FANCE: variants seen among roughly 807,000 people sequenced by gnomAD.
FANCE encodes FA complementation group E, also known as Fanconi anemia group E protein.
In FANCE, 42 loss-of-function variants were observed where a neutral mutation model predicts 57.8. The ratio of observed to expected loss-of-function variants is 0.73; its 90% confidence interval spans 0.57 to 0.94. The LOEUF (loss-of-function observed/expected upper bound fraction) is 0.94, where lower values mean the gene tolerates loss of function less well. Among genes scored for constraint, FANCE ranks in the 40% least tolerant of loss-of-function variants. The pLI is 0.00. For synonymous variants in FANCE, 251 were observed against 286.4 expected (o/e 0.88, Z 1.25); for missense variants, 608 against 661.8 (o/e 0.92, Z 0.89).
Position 35,455,736 on chromosome 6 carries a change from C to G in FANCE, c.249-11C>G, listed in dbSNP as rs1339273469. ...AAACACTTAACTGCTTGCTCTCCCT[C>G]TGCTACCCAGGAAACCACTGTTGCT... On this transcript the variant is annotated splice_polypyrimidine_tract_variant and intron_variant, in intron 1 of 9. Transcript: ENST00000229769. 25 of 1,613,674 alleles carry G rather than the reference C, an allele frequency of 1.5e-5. No individual in the cohort carries two copies. The highest frequency in any genetic ancestry group is 2.0e-5 in the Non-Finnish European group (24 of 1,180,050).
chr6:35,458,758 T>A (rs543253852), intron 5 of FANCE, among the ~76,000 whole-genome samples: 2 of 151,700 alleles, frequency 1.3e-5, no homozygotes, highest in African/African-American at 4.8e-5. Flanking sequence ...CCTTCCACCA[T>A]GCCTGGCTAA....
chr6:35,457,008 G>A (rs1767369654), intron 2 of FANCE, among the ~76,000 whole-genome samples: 1 of 152,220 alleles, frequency 6.6e-6, no homozygotes, highest in African/African-American at 2.4e-5. Context: ...TCTGAGGCCT[G>A]GGTCTACCCC....
Position 35,452,729 on chromosome 6 carries a change from C to T in FANCE, c.184C>T (p.Arg62Cys). Residue 62 changes from arginine (R) to cysteine (C), a missense_variant, in exon 1 of 10, where the codon CGC becomes TGC. Transcript: ENST00000229769. ...SRGWEPFDWG[R>C]LLEALCREEP... ...CGGCTGGGAGCCCTTCGACTGGGGT[C>T]GCTTGCTCGAGGCCCTGTGCCGGGA... 8.0e-7 allele frequency: 1 copy of T among 1,251,342 alleles called. No individual in the cohort carries two copies. Among genetic ancestry groups the T allele is most frequent in the Non-Finnish European group, 1.0e-6 (1 of 996,988 alleles). 77.5% of individuals were successfully genotyped at this position (1,251,342 alleles called of 1,614,324 possible). A position where few individuals can be genotyped will look rare whatever the true frequency, so the allele number is the denominator to read the frequency against.
chr6:35,464,213 C>T, intron 9 of FANCE, among the ~76,000 whole-genome samples: 1 of 144,876 alleles, frequency 6.9e-6, no homozygotes, highest in African/African-American at 2.5e-5. Flanking sequence ...TTTAATTTTT[C>T]AAAAATAGAG....
Position 35,452,760 on chromosome 6 carries a change from C to G in FANCE, c.215C>G (p.Pro72Arg). The change falls in exon 1 of 10, where the codon CCG (proline) becomes CGG (arginine). Residue 72 changes from proline (P) to arginine (R), a missense_variant. Physicochemically the swap from Pro to Arg is moderately radical, Grantham distance 103. Coordinates refer to ENST00000229769, the MANE Select transcript of FANCE (RefSeq NM_021922.3). ...CTCGAGGCCCTGTGCCGGGAGGAGC[C>G]GGTCGTGCAGGGGCCTGACGGCCGT... Reference protein sequence around the residue: ...RLLEALCREEPVVQGPDGRLE... With the variant: ...RLLEALCREERVVQGPDGRLE... 1.6e-6 allele frequency: 2 copies of G among 1,278,768 alleles called. No homozygotes were observed. Among genetic ancestry groups the G allele is most frequent in the Non-Finnish European group, 2.0e-6 (2 of 1,009,208 alleles). The allele number at this position is 1,278,768 out of a possible 1,614,324, so 79.2% of individuals were successfully genotyped here.
rs754865002 is a variant in FANCE at position 35,452,577 on chromosome 6, C to T, written c.32C>T (p.Ala11Val). ...ACACCGGACGCGGGGCTCCCTGGGG[C>T]TGAGGGCGTGGAGCCGGCGCCCTGG... The part of the protein sequence containing the change: MATPDAGLPG[A>V]EGVEPAPWAQ... Residue 11 changes from alanine to valine, a missense_variant, in exon 1 of 10, where the codon GCT (alanine) becomes GTT (valine). Transcript: ENST00000229769. The T allele has an allele frequency of 1.5e-6, 2 of 1,333,058 alleles. No individual in the cohort carries two copies. Among genetic ancestry groups the T allele is most frequent in the South Asian group, 4.1e-5 (2 of 48,548 alleles). The allele number at this position is 1,333,058 out of a possible 1,614,324, so 82.6% of individuals were successfully genotyped here. A position where few individuals can be genotyped will look rare whatever the true frequency, so the allele number is the denominator to read the frequency against.
At position 35,458,001 on chromosome 6, in the gene FANCE, G is replaced by T; in HGVS notation, c.969+17G>T. ...CCCAGCCAGGTGAGTCCAGATGACTGCCTGGCTCTGAGGTTACATTCTCTG... is the reference window on the plus strand; with the variant it reads ...CCCAGCCAGGTGAGTCCAGATGACTTCCTGGCTCTGAGGTTACATTCTCTG... On this transcript the variant is annotated intron_variant, in intron 4 of 9. Coordinates refer to ENST00000229769, the MANE Select transcript of FANCE (RefSeq NM_021922.3). The T allele has an allele frequency of 6.2e-7, 1 of 1,605,686 alleles. No homozygotes were observed. Among genetic ancestry groups the T allele is most frequent in the Non-Finnish European group, 8.5e-7 (1 of 1,172,282 alleles).
Position 35,456,278 on chromosome 6 carries a change from G to A in FANCE, c.780G>A (p.Lys260=), listed in dbSNP as rs886248277. 1 of 1,614,220 alleles carries A rather than the reference G, an allele frequency of 6.2e-7. No homozygotes were observed. Among genetic ancestry groups the A allele is most frequent in the Admixed American group, 1.7e-5 (1 of 60,034 alleles). Residue 260 remains lysine (K), a synonymous_variant, in exon 2 of 10, where the codon AAG becomes AAA. Coordinates refer to ENST00000229769, the MANE Select transcript of FANCE (RefSeq NM_021922.3). This position sits in a 1 kb window ranked among gnomAD's most constrained non-coding sequence, Gnocchi z 4.3. ...AGGACCAGCCTGTCATGGCAGTTAA[G>A]ACTGGCGAGGACGGTTCGAATCTGG... ...PIKDQPVMAV[K]TGEDGSNLDD...
chr6:35,462,353 C>T (rs147306637), intron 8 of FANCE, among the ~76,000 whole-genome samples: 1,612 of 151,162 alleles, frequency 0.011, 28 homozygotes, highest in African/African-American at 0.036. Context: ...GCGATCCACC[C>T]GCCTTGGCCT....
Position 35,456,194 on chromosome 6 carries a change from G to A in FANCE, c.696G>A (p.Glu232=), listed in dbSNP as rs147356927. ...AAGAGGAAGAAGATCATGAGAAGGA[G>A]AGACCCGAACATAAGTCACTGGAAT... The part of the protein sequence containing the change: ...CWEEEEDHEK[E]RPEHKSLESL... Residue 232 remains glutamate, a synonymous_variant, in exon 2 of 10, where the codon GAG becomes GAA. Transcript: ENST00000229769. This position sits in a 1 kb window ranked among gnomAD's most constrained non-coding sequence, Gnocchi z 4.3. The A allele has an allele frequency of 2.1e-4, 338 of 1,614,172 alleles. No homozygotes were observed. The African/African-American group carries it at 2.8e-3, about 13-fold the overall frequency.
At chr6:35,458,508 G>A (rs1767445107) in intron 5 of FANCE, 68 bp downstream of exon 5, 3 of 1,585,478 alleles carry the variant, frequency 1.9e-6, no homozygotes, top group South Asian at 1.1e-5. Context: ...CCTCAGAAGG[G>A]TGGTACTTGA....
At position 35,466,965 on chromosome 6, in the gene FANCE, C is replaced by T; in HGVS notation, c.*620C>T. 4.4e-6 allele frequency: 1 copy of T among 226,256 alleles called. No individual in the cohort carries two copies. 14.0% of individuals were successfully genotyped at this position (226,256 alleles called of 1,614,324 possible). ...TAGGATCAAGCCGACCCAGAGTGGG[C>T]ATGGGATGCTCCAGGAGGTCTGGGG... On this transcript the variant is annotated 3_prime_UTR_variant, in exon 10 of 10. Coordinates refer to ENST00000229769, the MANE Select transcript of FANCE (RefSeq NM_021922.3).
Position 35,466,339 on chromosome 6 carries a change from C to A in FANCE, c.1605C>A (p.Gly535=). ...TGAAGGCCGCCTTGAAACATTTGGG[C>A]CCCTGACCATCCACCAAGGGACCAC... ...KSLKAALKHL[G]P is the part of the protein sequence containing the mutation. Residue 535 remains glycine, a synonymous_variant, in exon 10 of 10, where the codon GGC becomes GGA. Coordinates refer to ENST00000229769, the MANE Select transcript of FANCE (RefSeq NM_021922.3). 1.2e-6 allele frequency: 2 copies of A among 1,609,684 alleles called. No individual in the cohort carries two copies. The highest frequency in any genetic ancestry group is 1.7e-6 in the Non-Finnish European group (2 of 1,175,954).
chr6:35,460,380 T>TA (rs1450921763), intron 7 of FANCE, among the ~76,000 whole-genome samples, 172 bp from the exon 8 acceptor site: 3 of 152,194 alleles, frequency 2.0e-5, no homozygotes, highest in African/African-American at 7.2e-5. Context: ...CCTCCCAAAG[T>TA]GCTGGGATTA....
intron 8 of FANCE, among the ~76,000 whole-genome samples, 186 bp from the exon 9 acceptor site, chr6:35,462,603 C>T (rs1767637065): frequency 6.6e-6 from 1 of 152,200 alleles, no homozygotes; most frequent in African/African-American, 2.4e-5. Context: ...ATCCTTTTCA[C>T]AGTCTTCCGT....
chr6:35,460,712 G>A lies in FANCE; in HGVS notation c.1383+94G>A, dbSNP rs574888545. The A allele has an allele frequency of 4.3e-6, 5 of 1,159,476 alleles. No individual in the cohort carries two copies. In the East Asian group the frequency reaches 9.6e-5, roughly 22 times the overall value. The allele number at this position is 1,159,476 out of a possible 1,614,324, so 71.8% of individuals were successfully genotyped here. A position where few individuals can be genotyped will look rare whatever the true frequency, so the allele number is the denominator to read the frequency against. On this transcript the variant is annotated intron_variant, in intron 8 of 9. Transcript: ENST00000229769. Reference sequence around the variant, plus strand: ...TGGGTTTCTGAGTCCTTCAGTGCATGGAGGGTCAAGCAGGACAGCTGCCCT... The same window carrying A: ...TGGGTTTCTGAGTCCTTCAGTGCATAGAGGGTCAAGCAGGACAGCTGCCCT...
intron 1 of FANCE, among the ~76,000 whole-genome samples, chr6:35,453,977 T>A (rs1176832070): frequency 6.6e-6 from 1 of 152,184 alleles, no homozygotes; most frequent in Non-Finnish European, 1.5e-5. Context: ...GGTTAAAATT[T>A]CCTGGAGTAG....
chr6:35,452,857 C>G, intron 1 of FANCE, 64 bp downstream of exon 1: 3 of 1,259,402 alleles, frequency 2.4e-6, no homozygotes, highest in Non-Finnish European at 3.0e-6. Context: ...GGGAACGACA[C>G]ACACAGAGGT....
intron 9 of FANCE, 127 bp from the exon 10 acceptor site, chr6:35,466,117 T>A: frequency 1.4e-6 from 1 of 723,474 alleles, no homozygotes. Context: ...TGAGATTAGA[T>A]TGCTCAGGAG....
Sources: allele counts gnomAD v4.1 joint callset (sites outside exome capture counted in the v4.1 genomes callset), GRCh38; gene constraint gnomAD v4.1.1; non-coding constraint Gnocchi (gnomAD v3.1); transcripts MANE v1.5; gene names NCBI Gene and HGNC (gene_info 2026-07-23, HGNC 2026-07-21).